SLC7A7: variants seen among roughly 807,000 people sequenced by gnomAD.
The protein encoded by SLC7A7 is solute carrier family 7 member 7, also known as Y+L amino acid transporter 1.
SLC7A7 carries 39 observed loss-of-function variants against 47.9 expected under a neutral mutation model. The ratio of observed to expected loss-of-function variants is 0.81; its 90% CI spans 0.63 to 1.06. The LOEUF (loss-of-function observed/expected upper bound fraction) is 1.06, where lower values mean the gene tolerates loss of function less well. Ranked by LOEUF, SLC7A7 falls within the 50% of genes least tolerant of loss-of-function variation. SLC7A7 has a pLI of 0.00. For synonymous variants in SLC7A7, 234 were observed against 242.8 expected (o/e 0.96, Z 0.34); for missense variants, 588 against 632.0 (o/e 0.93, Z 0.75).
intron 2 of SLC7A7, among the ~76,000 whole-genome samples, chr14:22,795,396 T>TGC (rs561365209): frequency 0.13 from 8,393 of 66,906 alleles, 392 homozygotes; most frequent in Non-Finnish European, 0.16. Context: ...CTTTCTTTCT[T>TGC]TCTTTCTTTC....
In SLC7A7 at chr14:22,773,966, GT is replaced by G. The variant is rs1290445670; in HGVS notation, c.1395del (p.Glu465AspfsTer54). 5 of 1,611,240 alleles carry G rather than the reference GT, an allele frequency of 3.1e-6. No homozygotes were observed. The highest frequency in any genetic ancestry group is 4.2e-6 in the Non-Finnish European group (5 of 1,178,356). On this transcript the variant is annotated frameshift_variant, in exon 9 of 10. Transcript: ENST00000674313. LOFTEE classifies it high-confidence loss of function. ...CTTCGGAGGTAAAGCGGTCGCTTAT[GT>G]TCTGGCACTCTGATGATGAGGAAGT... ...PFYFLIIRVP[E>X]HKRPLYLRRI...
chr14:22,817,134 T>TTTTA (rs1566466857), upstream of SLC7A7: 700 of 153,406 alleles, frequency 4.6e-3, 6 homozygotes, highest in African/African-American at 0.016. Flanking sequence ...CTTTTATTTT[T>TTTTA]TTTTTTTTTT....
At chr14:22,790,766 G>A (rs1324421543) in intron 2 of SLC7A7, among the ~76,000 whole-genome samples, 1 of 152,250 alleles carries the variant, frequency 6.6e-6, no homozygotes, top group East Asian at 1.9e-4. Context: ...TTGGGAGGCG[G>A]AGGCAGACGA....
At chr14:22,817,129 A>ATTTTTTTTTTTTT, upstream of SLC7A7, 1 of 100,422 alleles carries the variant, frequency 1.0e-5, no homozygotes, top group Non-Finnish European at 2.1e-5. Context: ...CCTTCCTTTT[A>ATTTTTTTTTTTTT]TTTTTTTTTT....
At chr14:22,786,954 T>C (rs1488867728) in intron 2 of SLC7A7, among the ~76,000 whole-genome samples, 2 of 152,060 alleles carry the variant, frequency 1.3e-5, no homozygotes, top group African/African-American at 4.8e-5. Context: ...AAAAAGTGAT[T>C]TTTTCCCCCC....
intron 2 of SLC7A7, among the ~76,000 whole-genome samples, chr14:22,793,344 T>C (rs2038959715): frequency 6.6e-6 from 1 of 152,204 alleles, no homozygotes; most frequent in East Asian, 1.9e-4. Flanking sequence ...TCCATCTTGC[T>C]TCTAACCTCC....
upstream of SLC7A7, chr14:22,817,318 AT>A: frequency 4.6e-6 from 1 of 218,564 alleles, no homozygotes; most frequent in Non-Finnish European, 8.8e-6. Flanking sequence ...TTATTTCGGT[AT>A]TTTTATTTTA....
intron 2 of SLC7A7, among the ~76,000 whole-genome samples, chr14:22,795,072 CTTTCTTT>C (rs1437284250): frequency 8.0e-6 from 1 of 125,364 alleles, no homozygotes; most frequent in Non-Finnish European, 1.6e-5. Context: ...TGTTTTCTTT[CTTTCTTT>C]TTTTTTTTTT....
chr14:22,819,588 C>T (rs541745124), upstream of SLC7A7: 4 of 152,396 alleles, frequency 2.6e-5, no homozygotes, highest in African/African-American at 9.6e-5. Flanking sequence ...ACTCCATCCT[C>T]CTCCTGCACT....
At position 22,815,372 on chromosome 14, in the gene SLC7A7, G is replaced by A. The variant is rs1172850606; in HGVS notation, c.-95C>T. On this transcript the variant is annotated 5_prime_UTR_variant, in exon 1 of 10. Transcript: ENST00000674313. ...TCACGGCAGTGTGAGCAGCAGTCAGGGAGAGAAGTGCCTTCCAGGATCTGT... is the reference window on the plus strand; with the variant it reads ...TCACGGCAGTGTGAGCAGCAGTCAGAGAGAGAAGTGCCTTCCAGGATCTGT... The A allele has an allele frequency of 4.4e-6, 2 of 454,556 alleles. No homozygotes were observed. Among genetic ancestry groups the A allele is most frequent in the Admixed American group, 4.7e-5 (2 of 42,578 alleles). 28.2% of individuals were successfully genotyped at this position (454,556 alleles called of 1,614,324 possible).
At chr14:22,795,021 G>T (rs1383988440) in intron 2 of SLC7A7, among the ~76,000 whole-genome samples, 2 of 151,388 alleles carry the variant, frequency 1.3e-5, no homozygotes, top group African/African-American at 4.9e-5. Context: ...TCTCCCCAGT[G>T]GTTCAGATTT....
At chr14:22,782,583 T>C (rs1343200203) in intron 2 of SLC7A7, among the ~76,000 whole-genome samples, 5 of 151,814 alleles carry the variant, frequency 3.3e-5, no homozygotes, top group Non-Finnish European at 7.4e-5. Context: ...TGCCTCAGCC[T>C]CCCGAGTAGC....
At chr14:22,783,012 C>A (rs1215385624) in intron 2 of SLC7A7, among the ~76,000 whole-genome samples, 3 of 151,712 alleles carry the variant, frequency 2.0e-5, no homozygotes, top group African/African-American at 7.3e-5. Flanking sequence ...CAGCTCACTG[C>A]AACCTCTGCC....
chr14:22,810,839 G>T (rs561713765), intron 2 of SLC7A7, among the ~76,000 whole-genome samples: 1 of 152,066 alleles, frequency 6.6e-6, no homozygotes, highest in Admixed American at 6.6e-5. Context: ...TTAGCCAGGC[G>T]TGGTGGCACA....
rs188628537 is a variant in SLC7A7 at position 22,790,198 on chromosome 14, G to T, written c.500-10147C>A. Among the ~76,000 whole-genome samples, 34 of 151,998 alleles carry T rather than the reference G, an allele frequency of 2.2e-4. 1 individual carries two copies. Among genetic ancestry groups the T allele is most frequent in the Middle Eastern group, 3.4e-3 (1 of 294 alleles). On this transcript the variant is annotated intron_variant, in intron 2 of 9. Transcript: ENST00000674313. ...ACAAAAATTAGCTGGGCCTGGTGGC[G>T]TGCACCTGTAGTCTCAACTACTCAG...
intron 2 of SLC7A7, among the ~76,000 whole-genome samples, chr14:22,801,480 T>C (rs2039112322): frequency 6.6e-6 from 1 of 151,964 alleles, no homozygotes. Context: ...ACCATCACAA[T>C]CCATTAAAAC....
chr14:22,804,625 T>C (rs10459443), intron 2 of SLC7A7, among the ~76,000 whole-genome samples: 19,151 of 152,206 alleles, frequency 0.13, 1,372 homozygotes, highest in South Asian at 0.19. Context: ...TCAACAGCAC[T>C]GATCATTAGA....
chr14:22,796,427 A>G (rs1323125573), intron 2 of SLC7A7, among the ~76,000 whole-genome samples: 1 of 152,168 alleles, frequency 6.6e-6, no homozygotes, highest in African/African-American at 2.4e-5. Flanking sequence ...AAAGCACGAA[A>G]TACCCTTCTC....
At chr14:22,799,459 T>TA (rs2139434043) in intron 2 of SLC7A7, among the ~76,000 whole-genome samples, 1 of 135,916 alleles carries the variant, frequency 7.4e-6, no homozygotes, top group South Asian at 2.5e-4. Context: ...TTTTTTTTTT[T>TA]TTTTTTTTTT....
Sources: allele counts gnomAD v4.1 joint callset (sites outside exome capture counted in the v4.1 genomes callset), GRCh38; gene constraint gnomAD v4.1.1; transcripts MANE v1.5; gene names NCBI Gene and HGNC (gene_info 2026-07-23, HGNC 2026-07-21).